Variants in NEMP1 observed in about 807,000 individuals in gnomAD.
NEMP1 encodes the protein transmembrane protein 194.
In NEMP1, 29 loss-of-function variants were observed where a neutral mutation model predicts 53.7. That is an observed-to-expected ratio of 0.54 (90% confidence interval 0.40 to 0.74). The LOEUF (loss-of-function observed/expected upper bound fraction) is 0.74, where lower values mean the gene tolerates loss of function less well. Ranked by LOEUF, NEMP1 falls within the 30% of genes least tolerant of loss-of-function variation. The pLI, the probability that NEMP1 is intolerant of heterozygous loss-of-function variation, is 0.00. For synonymous variants in NEMP1, 193 were observed against 192.9 expected (o/e 1.00, Z 0.00); for missense variants, 477 against 528.6 (o/e 0.90, Z 0.96).
chr12:57,083,831 T>C (rs1841229553), intron 1 of NEMP1, among the ~76,000 whole-genome samples: 1 of 152,280 alleles, frequency 6.6e-6, no homozygotes, highest in South Asian at 2.1e-4. Flanking sequence ...CAGAGTGCAA[T>C]GGCGTGATCT....
rs972599393 is a variant in NEMP1, at chr12:57,059,823, C to T, written c.*56G>A. On this transcript the variant is annotated 3_prime_UTR_variant, in exon 9 of 9. Coordinates refer to ENST00000300128, the MANE Select transcript of NEMP1 (RefSeq NM_001130963.2). ...AAGGGTTGAAAGCAATTGCACAACA[C>T]ATGCAACATGGACCAAGGCACCAAG... The T allele has an allele frequency of 6.7e-7, 1 of 1,492,962 alleles. No individual in the cohort carries two copies. The highest frequency in any genetic ancestry group is 9.2e-7 in the Non-Finnish European group (1 of 1,084,502). The allele number at this position is 1,492,962 out of a possible 1,614,324, so 92.5% of individuals were successfully genotyped here. A position where few individuals can be genotyped will look rare whatever the true frequency, so the allele number is the denominator to read the frequency against.
intron 1 of NEMP1, among the ~76,000 whole-genome samples, chr12:57,073,847 G>A (rs983966709): frequency 7.9e-5 from 12 of 152,012 alleles, no homozygotes; most frequent in Admixed American, 2.6e-4. Flanking sequence ...GTCTGACTAT[G>A]GTCTTAAACA....
rs1381461862 is a variant in NEMP1, at chr12:57,070,757, T to A, written c.389A>T (p.Asn130Ile). ...GGTTTTTGTGCTGTATAGACCCACG[T>A]TAACATAGGTGTCATTCAATTTCTC... ...LKEKLNDTYV[N>I]VGLYSTKTCL... The change falls in exon 3 of 9, where the codon AAC becomes ATC. Residue 130 changes from asparagine to isoleucine, a missense_variant. Coordinates refer to ENST00000300128, the MANE Select transcript of NEMP1 (RefSeq NM_001130963.2). The A allele has an allele frequency of 6.2e-7, 1 of 1,601,660 alleles. No homozygotes were observed. Among genetic ancestry groups the A allele is most frequent in the Non-Finnish European group, 8.5e-7 (1 of 1,173,246 alleles).
chr12:57,060,588 T>C, intron 8 of NEMP1, among the ~76,000 whole-genome samples, 184 bp downstream of exon 8: 1 of 152,218 alleles, frequency 6.6e-6, no homozygotes, highest in East Asian at 1.9e-4. Context: ...CTAGAGTAGA[T>C]AGTTCCCTGA....
At chr12:57,071,870 T>C (rs1429796130) in intron 2 of NEMP1, among the ~76,000 whole-genome samples, 1 of 152,004 alleles carries the variant, frequency 6.6e-6, no homozygotes, top group Non-Finnish European at 1.5e-5. Flanking sequence ...GTTTTTGATG[T>C]GAACAACAAA....
chr12:57,078,380 C>T (rs751489288), intron 1 of NEMP1, among the ~76,000 whole-genome samples: 1 of 152,078 alleles, frequency 6.6e-6, no homozygotes, highest in Non-Finnish European at 1.5e-5. Flanking sequence ...TTCCTGTCTC[C>T]GCCAAAAGGC....
rs2031524880 is a variant in NEMP1, at chr12:57,056,363, G to A, written c.*3516C>T. The A allele has an allele frequency of 6.6e-6, 1 of 152,150 alleles. No individual in the cohort carries two copies. The highest frequency in any genetic ancestry group is 2.4e-5 in the African/African-American group (1 of 41,424). 9.4% of individuals were successfully genotyped at this position (152,150 alleles called of 1,614,324 possible). The stretch of plus-strand genomic sequence containing the variant: ...AAAAAAAATCAATTTCTGCTATGTA[G>A]AAAAAGAAACAAAAGGTTTAGGTGC... On this transcript the variant is annotated 3_prime_UTR_variant, in exon 9 of 9. Transcript: ENST00000300128.
intron 1 of NEMP1, among the ~76,000 whole-genome samples, chr12:57,074,340 G>A (rs910371018): frequency 6.7e-6 from 1 of 149,400 alleles, no homozygotes; most frequent in Non-Finnish European, 1.5e-5. Context: ...CACCCAGGCT[G>A]GAATACAGTG....
chr12:57,073,296 C>T (rs1244497460), intron 1 of NEMP1, among the ~76,000 whole-genome samples: 3 of 151,762 alleles, frequency 2.0e-5, no homozygotes, highest in Admixed American at 1.3e-4. Context: ...GGACTACAGG[C>T]GCCCGCCACC....
upstream of NEMP1, among the ~76,000 whole-genome samples, chr12:57,079,834 C>A (rs1422956315): frequency 6.6e-6 from 1 of 152,036 alleles, no homozygotes. Context: ...GCAACAGCAC[C>A]ATCACAGCTC....
intron 1 of NEMP1, among the ~76,000 whole-genome samples, chr12:57,086,939 C>T (rs2033013155): frequency 1.3e-5 from 2 of 152,246 alleles, no homozygotes; most frequent in South Asian, 4.1e-4. Flanking sequence ...CGTACATTCT[C>T]TCATCCGAAT....
chr12:57,062,719 CTG>C (rs1208642950), intron 7 of NEMP1, among the ~76,000 whole-genome samples: 1 of 151,148 alleles, frequency 6.6e-6, no homozygotes, highest in Non-Finnish European at 1.5e-5. Context: ...TGGCGCATGC[CTG>C]TAATCCCAGC....
intron 1 of NEMP1, among the ~76,000 whole-genome samples, chr12:57,083,965 TGTTTTG>T (rs1288045504): frequency 6.8e-6 from 1 of 147,884 alleles, no homozygotes; most frequent in East Asian, 2.0e-4. Flanking sequence ...TGTTTTGTTT[TGTTTTG>T]TTTTGTTTTG....
In NEMP1 at chr12:57,073,041, G is replaced by C. The variant is rs547125549; in HGVS notation, c.128-129C>G. On this transcript the variant is annotated intron_variant, in intron 1 of 8. Coordinates refer to ENST00000300128, the MANE Select transcript of NEMP1 (RefSeq NM_001130963.2). ...AAACATTAGCCAGACTGAGAAATAA[G>C]AAAAAAAACTGAGAAGAAGGAAGAA... 4.3e-6 allele frequency: 3 copies of C among 700,394 alleles called. No individual in the cohort carries two copies. The African/African-American group carries it at 5.5e-5, about 13-fold the overall frequency. 43.4% of individuals were successfully genotyped at this position (700,394 alleles called of 1,614,324 possible). A position where few individuals can be genotyped will look rare whatever the true frequency, so the allele number is the denominator to read the frequency against.
chr12:57,074,681 T>A (rs973507805), intron 1 of NEMP1, among the ~76,000 whole-genome samples: 2 of 152,232 alleles, frequency 1.3e-5, no homozygotes, highest in Admixed American at 1.3e-4. Flanking sequence ...CTGTTTTGTG[T>A]CACTTCAAAT....
At chr12:57,063,069 G>GC (rs1372524245) in intron 7 of NEMP1, 50 bp downstream of exon 7, 1 of 1,439,202 alleles carries the variant, frequency 6.9e-7, no homozygotes, top group East Asian at 2.3e-5. Flanking sequence ...TGCTGCAACT[G>GC]CATCCCACAA....
upstream of NEMP1, among the ~76,000 whole-genome samples, chr12:57,082,583 G>A (rs745977663): frequency 1.8e-4 from 28 of 151,960 alleles, no homozygotes; most frequent in African/African-American, 6.5e-4. Context: ...GTGTTGGCAC[G>A]TGCCTGTAGT....
chr12:57,066,728 T>C (rs970244609), intron 4 of NEMP1, among the ~76,000 whole-genome samples: 5 of 152,086 alleles, frequency 3.3e-5, no homozygotes, highest in African/African-American at 1.2e-4. Context: ...TCATCTTGAA[T>C]TGTAGCTCCC....
intron 1 of NEMP1, among the ~76,000 whole-genome samples, chr12:57,085,440 C>T (rs1284829949): frequency 6.6e-6 from 1 of 152,138 alleles, no homozygotes; most frequent in African/African-American, 2.4e-5. Flanking sequence ...GATCACTCAC[C>T]CTCTTATACT....
Sources: gnomAD v4.1 joint callset for allele counts (sites outside exome capture counted in the v4.1 genomes callset) on GRCh38, gnomAD v4.1.1 for gene constraint, MANE v1.5 for transcripts, NCBI Gene and HGNC (gene_info 2026-07-23, HGNC 2026-07-21) for gene names.